FHIT: variants seen among roughly 807,000 people sequenced by gnomAD.
FHIT encodes the protein bis(5'-adenosyl)-triphosphatase.
A neutral mutation model predicts 17.9 loss-of-function variants in FHIT; 19 were observed. The ratio of observed to expected loss-of-function variants is 1.06; its 90% CI spans 0.74 to 1.56. The LOEUF (loss-of-function observed/expected upper bound fraction) is 1.56. FHIT is among the 40% of genes most tolerant of loss of function. FHIT has a pLI of 0.00. For missense variants in FHIT, 248 were observed against 189.2 expected (o/e 1.31, Z -1.82); for synonymous variants, 81 against 69.7 (o/e 1.16, Z -0.81).
intron 4 of FHIT, chr3:60,537,375 A>C: frequency 1.6e-6 from 1 of 633,838 alleles, no homozygotes; most frequent in Non-Finnish European, 2.0e-6. Context: ...ATTAACTATA[A>C]ACCTTCTAAT....
At chr3:60,267,942 A>T (rs1357291827) in intron 5 of FHIT, among the ~76,000 whole-genome samples, 1 of 152,178 alleles carries the variant, frequency 6.6e-6, no homozygotes, top group Non-Finnish European at 1.5e-5. Flanking sequence ...TAAACTATAA[A>T]TATTCTGATT....
At chr3:60,469,853 G>A (rs140899592) in intron 5 of FHIT, among the ~76,000 whole-genome samples, 64 of 152,214 alleles carry the variant, frequency 4.2e-4, no homozygotes, top group Middle Eastern at 3.4e-3. Context: ...CACTTTACCC[G>A]TTTCTACTTT....
chr3:59,792,662 TAGTA>T (rs1205252896), intron 8 of FHIT, among the ~76,000 whole-genome samples: 1 of 152,150 alleles, frequency 6.6e-6, no homozygotes, highest in African/African-American at 2.4e-5. Context: ...ATCTAGTACA[TAGTA>T]AGAGCTCAAT....
intron 5 of FHIT, among the ~76,000 whole-genome samples, chr3:60,482,359 C>T (rs1358449856): frequency 2.6e-5 from 4 of 152,226 alleles, no homozygotes; most frequent in Non-Finnish European, 4.4e-5. Context: ...AACTCCCTAC[C>T]CCAACGCAAC....
chr3:59,830,737 C>A (rs1387778577), intron 8 of FHIT, among the ~76,000 whole-genome samples: 1 of 152,192 alleles, frequency 6.6e-6, no homozygotes, highest in Non-Finnish European at 1.5e-5. Flanking sequence ...CCTAGCAGAC[C>A]CATGAGCAGG....
At chr3:61,025,204 C>T (rs1367138637) in intron 3 of FHIT, among the ~76,000 whole-genome samples, 1 of 152,158 alleles carries the variant, frequency 6.6e-6, no homozygotes, top group Non-Finnish European at 1.5e-5. Flanking sequence ...TTAGGCCAAA[C>T]CACACAGGAC....
chr3:60,161,942 G>A (rs932358424), intron 5 of FHIT, among the ~76,000 whole-genome samples: 2 of 152,174 alleles, frequency 1.3e-5, no homozygotes, highest in African/African-American at 4.8e-5. Flanking sequence ...GCTGAGATTG[G>A]ATTAAAGGCG....
rs1013104555 is a variant in FHIT at position 60,091,800 on chromosome 3, C to T, written c.104-77648G>A. ...CCCACCACATGAGATGCCTCACTCC[C>T]CCTTTCCCTTTGCCATGACTGGAAG... On this transcript the variant is annotated intron_variant, in intron 5 of 9. Coordinates refer to ENST00000492590, the MANE Select transcript of FHIT (RefSeq NM_002012.4). 3.3e-5 allele frequency among the ~76,000 whole-genome samples: 5 copies of T among 152,142 alleles called. No individual in the cohort carries two copies. In the East Asian group the frequency reaches 9.6e-4, roughly 29 times the overall value.
At chr3:60,963,239 G>T (rs1553781737) in intron 3 of FHIT, among the ~76,000 whole-genome samples, 1 of 152,106 alleles carries the variant, frequency 6.6e-6, no homozygotes, top group Non-Finnish European at 1.5e-5. Flanking sequence ...AGTATTCTCT[G>T]GTGGTAGTTT....
chr3:61,195,226 A>G (rs983662346), intron 2 of FHIT, among the ~76,000 whole-genome samples: 7 of 152,168 alleles, frequency 4.6e-5, no homozygotes, highest in Admixed American at 2.0e-4. Flanking sequence ...CTGAAAAAAA[A>G]TAAGCTTGTC....
intron 2 of FHIT, among the ~76,000 whole-genome samples, chr3:61,134,366 T>A (rs892561976): frequency 1.3e-5 from 2 of 152,150 alleles, no homozygotes; most frequent in Admixed American, 6.5e-5. Context: ...TAATTATTCA[T>A]TCAATAAGTA....
chr3:60,345,376 G>A (rs1710724919), intron 5 of FHIT, among the ~76,000 whole-genome samples: 1 of 152,158 alleles, frequency 6.6e-6, no homozygotes. Context: ...GAATCTCATA[G>A]CCAGGAATAA....
At chr3:61,201,439 G>T (rs2106679146) in intron 1 of FHIT, among the ~76,000 whole-genome samples, 1 of 152,278 alleles carries the variant, frequency 6.6e-6, no homozygotes, top group East Asian at 1.9e-4. Context: ...CCAGTAATGG[G>T]AATATGATTC....
In FHIT at chr3:59,857,705, G is replaced by GTTTTTTTTTTT. The variant is rs78150569; in HGVS notation, c.348+64630_348+64640dup. Among the ~76,000 whole-genome samples, 405 of 115,358 alleles carry GTTTTTTTTTTT rather than the reference G, an allele frequency of 3.5e-3. 19 individuals carry two copies. Among genetic ancestry groups the GTTTTTTTTTTT allele is most frequent in the African/African-American group, 0.012 (340 of 27,658 alleles). 75.7% of individuals were successfully genotyped at this position (115,358 alleles called of 152,430 possible). ...ATGACTATGCTGTGCAAAGTGCTGGGTTTTTTTTTTTTTTTTTGTATCCTA... is the reference window on the plus strand; with the variant it reads ...ATGACTATGCTGTGCAAAGTGCTGGGTTTTTTTTTTTTTTTTTTTTTTTTTTTTGTATCCTA... On this transcript the variant is annotated intron_variant, in intron 8 of 9. Transcript: ENST00000492590.
chr3:61,172,987 T>C (rs1291108384), intron 2 of FHIT, among the ~76,000 whole-genome samples: 1 of 152,170 alleles, frequency 6.6e-6, no homozygotes, highest in Non-Finnish European at 1.5e-5. Context: ...CCACCTGCAA[T>C]GAAACAGGGC....
At position 60,953,815 on chromosome 3, in the gene FHIT, G is replaced by A. The variant is rs116000047; in HGVS notation, c.-111+88232C>T. ...GTTAGAAGAGACGAAGACGAGAAGG[G>A]TGCCAGATTCATTACTATTGATTCC... On this transcript the variant is annotated intron_variant, in intron 3 of 9. Transcript: ENST00000492590. Among the ~76,000 whole-genome samples, 603 of 152,282 alleles carry A rather than the reference G, an allele frequency of 4.0e-3. 2 individuals are homozygous for A. Among genetic ancestry groups the A allele is most frequent in the African/African-American group, 0.014 (573 of 41,558 alleles).
intron 5 of FHIT, among the ~76,000 whole-genome samples, chr3:60,241,251 T>C (rs1182701457): frequency 6.6e-6 from 1 of 152,104 alleles, no homozygotes; most frequent in Non-Finnish European, 1.5e-5. Flanking sequence ...TCATTCTTTA[T>C]TAGATGCCAA....
intron 2 of FHIT, among the ~76,000 whole-genome samples, chr3:61,087,168 T>A (rs1184846588): frequency 1.3e-5 from 2 of 152,098 alleles, no homozygotes; most frequent in Non-Finnish European, 2.9e-5. Flanking sequence ...TCCTGCCTGA[T>A]TCCCCACAAA....
chr3:61,210,082 G>A (rs2039406782), intron 1 of FHIT, among the ~76,000 whole-genome samples: 1 of 152,248 alleles, frequency 6.6e-6, no homozygotes. Context: ...GTCCACTCCA[G>A]ACTCTGTGTG....
Sources: gnomAD v4.1 joint callset for allele counts (sites outside exome capture counted in the v4.1 genomes callset) on GRCh38, gnomAD v4.1.1 for gene constraint, MANE v1.5 for transcripts, NCBI Gene and HGNC (gene_info 2026-07-23, HGNC 2026-07-21) for gene names.